The following FHOD3 variants were observed in gnomAD, a reference collection of about 807,000 sequenced individuals.
The protein encoded by FHOD3 is formin homology 2 domain containing 3.
FHOD3 carries 90 observed loss-of-function variants against 173.0 expected under a neutral mutation model. The ratio of observed to expected loss-of-function variants is 0.52; its 90% confidence interval spans 0.44 to 0.62. The LOEUF is 0.62. Among genes scored for constraint, FHOD3 ranks in the 20% least tolerant of loss-of-function variants. FHOD3 has a pLI of 0.00. For missense variants in FHOD3, 1,945 were observed against 2,034.7 expected (o/e 0.96, Z 0.85); for synonymous variants, 828 against 823.0 (o/e 1.01, Z -0.10).
chr18:36,688,779 A>G (rs966952888), intron 16 of FHOD3, among the ~76,000 whole-genome samples: 4 of 152,236 alleles, frequency 2.6e-5, no homozygotes, highest in Admixed American at 6.5e-5. Flanking sequence ...TGCTGTGTCA[A>G]GATCTGAACT....
At chr18:36,706,754 C>T (rs1177475878) in intron 17 of FHOD3, among the ~76,000 whole-genome samples, 1 of 152,212 alleles carries the variant, frequency 6.6e-6, no homozygotes, top group Non-Finnish European at 1.5e-5. Context: ...TGTAATGAAG[C>T]CGCCAGGAGG....
At chr18:36,587,155 G>T (rs1400009814) in intron 6 of FHOD3, among the ~76,000 whole-genome samples, 1 of 152,150 alleles carries the variant, frequency 6.6e-6, no homozygotes, top group Non-Finnish European at 1.5e-5. Flanking sequence ...TGGAGATGGT[G>T]GGGGGAACTT....
At chr18:36,491,625 G>A (rs182314676) in intron 3 of FHOD3, among the ~76,000 whole-genome samples, 2 of 151,402 alleles carry the variant, frequency 1.3e-5, no homozygotes, top group East Asian at 1.9e-4. Flanking sequence ...CAGTCTCCAC[G>A]GTTATGCTAC....
At chr18:36,659,272 G>A (rs573227014) in intron 14 of FHOD3, among the ~76,000 whole-genome samples, 23 of 152,200 alleles carry the variant, frequency 1.5e-4, no homozygotes, top group Admixed American at 2.0e-4. Flanking sequence ...TAGATCCTAC[G>A]GTGTCAAGCT....
chr18:36,664,259 T>C (rs759937582), intron 14 of FHOD3, among the ~76,000 whole-genome samples: 3 of 152,098 alleles, frequency 2.0e-5, no homozygotes, highest in Admixed American at 6.5e-5. Flanking sequence ...TGTGACACAG[T>C]TAATGGCACC....
chr18:36,396,766 C>G (rs533555130), intron 3 of FHOD3, among the ~76,000 whole-genome samples: 2 of 152,224 alleles, frequency 1.3e-5, no homozygotes, highest in South Asian at 4.1e-4. Flanking sequence ...ACTCCTTATT[C>G]TCTTCTTCCT....
In FHOD3 at chr18:36,362,256, G is replaced by A. The variant is rs188559576; in HGVS notation, c.272+6611G>A. ...CCTAATGAACCTAAACCTGGTAGCC[G>A]AGGAAGGTGAGTGGATTGGGGCCTC... On this transcript the variant is annotated intron_variant, in intron 2 of 28. Transcript: ENST00000590592. 1.4e-4 allele frequency among the ~76,000 whole-genome samples: 21 copies of A among 152,294 alleles called. No individual in the cohort carries two copies. The East Asian group carries it at 4.1e-3, about 29-fold the overall frequency.
rs1487993576 is a variant in FHOD3, at chr18:36,638,326, T to C, written c.1197-10990T>C. 3.9e-5 allele frequency among the ~76,000 whole-genome samples: 6 copies of C among 152,186 alleles called. 1 individual carries two copies. The East Asian group carries it at 5.8e-4, about 15-fold the overall frequency. On this transcript the variant is annotated intron_variant, in intron 10 of 28. Transcript: ENST00000590592. The stretch of plus-strand genomic sequence containing the variant: ...GGTATATCTGGGTATCTAATAGGCA[T>C]CTTGGGAGGTGAGGCTGTAGCGTGT...
intron 23 of FHOD3, among the ~76,000 whole-genome samples, chr18:36,744,958 C>T (rs550709667): frequency 1.2e-4 from 18 of 152,286 alleles, no homozygotes; most frequent in Non-Finnish European, 2.1e-4. Flanking sequence ...GCACAGCAAC[C>T]AGGCTAGTGT....
At chr18:36,356,403 C>T (rs2046361831) in intron 2 of FHOD3, among the ~76,000 whole-genome samples, 1 of 152,172 alleles carries the variant, frequency 6.6e-6, no homozygotes, top group South Asian at 2.1e-4. Context: ...TGAAACCTCT[C>T]TAGGAATATA....
In FHOD3 at chr18:36,396,441, A is replaced by C. The variant is rs542372832; in HGVS notation, c.337+23697A>C. 1.4e-4 allele frequency among the ~76,000 whole-genome samples: 22 copies of C among 152,266 alleles called. No homozygotes were observed. In the East Asian group the frequency reaches 4.0e-3, roughly 28 times the overall value. ...ACTTTTGTCATTTCTTTTTGATTTG[A>C]AAAAATGTCCCCCTTTAACTTTCTG... On this transcript the variant is annotated intron_variant, in intron 3 of 28. Coordinates refer to ENST00000590592, the MANE Select transcript of FHOD3 (RefSeq NM_001281740.3).
chr18:36,363,349 T>A (rs2046728080), intron 2 of FHOD3, among the ~76,000 whole-genome samples: 1 of 152,252 alleles, frequency 6.6e-6, no homozygotes, highest in African/African-American at 2.4e-5. Flanking sequence ...TGCACGTATT[T>A]TCACAGCAGC....
intron 8 of FHOD3, among the ~76,000 whole-genome samples, chr18:36,608,988 G>T (rs2148580717): frequency 6.6e-6 from 1 of 152,308 alleles, no homozygotes; most frequent in East Asian, 1.9e-4. Flanking sequence ...TTGCCACAAT[G>T]GTTTTATCCT....
chr18:36,496,284 C>T (rs2054740219), intron 3 of FHOD3, among the ~76,000 whole-genome samples: 1 of 152,196 alleles, frequency 6.6e-6, no homozygotes, highest in Non-Finnish European at 1.5e-5. Context: ...CATCAAAGGG[C>T]TGTCACATCA....
rs374110751 is a variant in FHOD3 at position 36,649,206 on chromosome 18, C to CGTT, written c.1197-91_1197-89dup. On this transcript the variant is annotated intron_variant, in intron 10 of 28. Coordinates refer to ENST00000590592, the MANE Select transcript of FHOD3 (RefSeq NM_001281740.3). ...TTTTTTTTTTTAATTATTATTATTT[C>CGTT]GTTGTTGTTGTTGTTGTTGTTTTTG... The CGTT allele has an allele frequency of 2.7e-4, 154 of 567,430 alleles. 3 individuals carry two copies. Among genetic ancestry groups the CGTT allele is most frequent in the South Asian group, 1.3e-3 (54 of 42,540 alleles). The allele number at this position is 567,430 out of a possible 1,614,324, so 35.1% of individuals were successfully genotyped here.
intron 3 of FHOD3, among the ~76,000 whole-genome samples, chr18:36,383,347 G>A (rs778213201): frequency 3.3e-5 from 5 of 152,178 alleles, no homozygotes; most frequent in Admixed American, 6.5e-5. Flanking sequence ...GCTGTGCTGC[G>A]GCTGAGTTAT....
chr18:36,541,026 G>A (rs935439499), intron 5 of FHOD3, among the ~76,000 whole-genome samples: 5 of 151,854 alleles, frequency 3.3e-5, no homozygotes, highest in African/African-American at 9.7e-5. Flanking sequence ...CGAGGCAGGC[G>A]TATCACCTGA....
intron 18 of FHOD3, among the ~76,000 whole-genome samples, chr18:36,717,252 T>C (rs2040509286): frequency 6.6e-6 from 1 of 152,034 alleles, no homozygotes; most frequent in African/African-American, 2.4e-5. Flanking sequence ...GAGAGGGCTA[T>C]GGAAAGTCAC....
chr18:36,450,216 A>G (rs1279222430), intron 3 of FHOD3, among the ~76,000 whole-genome samples: 20 of 152,130 alleles, frequency 1.3e-4, no homozygotes, highest in Admixed American at 1.2e-3. Context: ...ACTGAATTGT[A>G]TTTTTCTTAC....
Sources: allele counts gnomAD v4.1 joint callset (sites outside exome capture counted in the v4.1 genomes callset), GRCh38; gene constraint gnomAD v4.1.1; transcripts MANE v1.5; gene names NCBI Gene and HGNC (gene_info 2026-07-23, HGNC 2026-07-21).